Variants in ULK4 observed in about 807,000 individuals in gnomAD.
ULK4 encodes unc-51 like kinase 4, also known as inactive serine/threonine-protein kinase ULK4.
A neutral mutation model predicts 160.6 loss-of-function variants in ULK4; 133 were observed. The observed-to-expected ratio is 0.83, with a 90% confidence interval of 0.72 to 0.96. The LOEUF (loss-of-function observed/expected upper bound fraction) is 0.96, where lower values mean the gene tolerates loss of function less well. ULK4 is among the 40% of genes least tolerant of loss of function. ULK4 has a pLI of 0.00. For synonymous variants in ULK4, 534 were observed against 539.8 expected (o/e 0.99, Z 0.15); for missense variants, 1,580 against 1,499.5 (o/e 1.05, Z -0.89).
intron 21 of ULK4, among the ~76,000 whole-genome samples, chr3:41,760,733 T>C (rs550256910): frequency 6.6e-6 from 1 of 152,336 alleles, no homozygotes; most frequent in East Asian, 1.9e-4. Context: ...CCAAGATTTC[T>C]CATTATTTAT....
chr3:41,664,668 A>G (rs76448682), intron 29 of ULK4, among the ~76,000 whole-genome samples: 13,595 of 152,184 alleles, frequency 0.089, 1,217 homozygotes, highest in African/African-American at 0.23. Flanking sequence ...TTAACTGGGT[A>G]CATTGCACTC....
chr3:41,307,483 T>C (rs1420382497), intron 35 of ULK4, among the ~76,000 whole-genome samples: 1 of 152,200 alleles, frequency 6.6e-6, no homozygotes, highest in Admixed American at 6.5e-5. Flanking sequence ...GACTAAAATT[T>C]CTCACACTAT....
At chr3:41,435,605 A>C (rs753733255) in intron 34 of ULK4, among the ~76,000 whole-genome samples, 27 of 152,316 alleles carry the variant, frequency 1.8e-4, no homozygotes, top group Admixed American at 3.9e-4. Flanking sequence ...GACCCAAGTG[A>C]AACTTTAATA....
chr3:41,894,172 A>G (rs191177111), intron 16 of ULK4, among the ~76,000 whole-genome samples: 24 of 152,338 alleles, frequency 1.6e-4, no homozygotes, highest in African/African-American at 5.8e-4. Context: ...TGTCTGTTTT[A>G]AAATGTCAGC....
chr3:41,435,070 C>T (rs886276113), intron 34 of ULK4, among the ~76,000 whole-genome samples: 2 of 152,086 alleles, frequency 1.3e-5, no homozygotes, highest in Non-Finnish European at 1.5e-5. Flanking sequence ...TGAGCTGAAC[C>T]ATAATTATAA....
chr3:41,650,208 C>G (rs898237571), intron 30 of ULK4, among the ~76,000 whole-genome samples: 1 of 152,192 alleles, frequency 6.6e-6, no homozygotes, highest in Non-Finnish European at 1.5e-5. Context: ...ATACAGTTGT[C>G]CACATTCCTC....
chr3:41,721,255 ATTTTTTTTTTTT>A (rs67078042), intron 22 of ULK4, among the ~76,000 whole-genome samples: 5 of 45,052 alleles, frequency 1.1e-4, no homozygotes, highest in South Asian at 1.5e-3. Flanking sequence ...TTCGCTTTGA[ATTTTTTTTTTTT>A]TTTTTTTTTT....
intron 31 of ULK4, among the ~76,000 whole-genome samples, chr3:41,580,882 C>G (rs2030266790): frequency 6.6e-6 from 1 of 152,110 alleles, no homozygotes. Context: ...CTGTATTTTT[C>G]CAAATTACTC....
intron 35 of ULK4, among the ~76,000 whole-genome samples, chr3:41,375,725 G>A (rs995539289): frequency 1.3e-5 from 2 of 150,276 alleles, no homozygotes; most frequent in African/African-American, 2.5e-5. Flanking sequence ...CATGGGCAAA[G>A]ACTTCATGAC....
chr3:41,961,865 G>C (rs1700687619), intron 1 of ULK4, 151 bp downstream of exon 1: 1 of 152,826 alleles, frequency 6.5e-6, no homozygotes, highest in Non-Finnish European at 1.5e-5. Context: ...AAGCAGGGGA[G>C]CGCAGGGGGT....
chr3:41,837,558 T>A (rs1286359134), intron 17 of ULK4, among the ~76,000 whole-genome samples: 1 of 148,208 alleles, frequency 6.7e-6, no homozygotes, highest in African/African-American at 2.6e-5. Flanking sequence ...GCTGCATATA[T>A]CAATAACTTT....
intron 19 of ULK4, among the ~76,000 whole-genome samples, chr3:41,806,136 C>G (rs898373599): frequency 1.4e-5 from 2 of 146,980 alleles, no homozygotes; most frequent in African/African-American, 2.6e-5. Flanking sequence ...CGTTGGTAAG[C>G]TATTGATTAT....
intron 32 of ULK4, among the ~76,000 whole-genome samples, chr3:41,517,646 A>G (rs1362235156): frequency 6.6e-6 from 1 of 152,218 alleles, no homozygotes; most frequent in Non-Finnish European, 1.5e-5. Context: ...TTTTTAAAGA[A>G]AGAATATCTA....
At position 41,650,186 on chromosome 3, in the gene ULK4, G is replaced by A. The variant is rs78893828; in HGVS notation, c.3071+13421C>T. Among the ~76,000 whole-genome samples the A allele has an allele frequency of 3.5e-3, 532 of 152,296 alleles. 2 individuals carry two copies. Among genetic ancestry groups the A allele is most frequent in the African/African-American group, 0.012 (498 of 41,560 alleles). On this transcript the variant is annotated intron_variant, in intron 30 of 36. Coordinates refer to ENST00000301831, the MANE Select transcript of ULK4 (RefSeq NM_017886.4). ...CTGTCACTCAGTGAAGCTCCTCTCC[G>A]TCTTGCTCAATATACAGTTGTCCAC... is the stretch of plus-strand genomic sequence containing the variant.
chr3:41,533,706 C>G (rs573368860), intron 32 of ULK4, among the ~76,000 whole-genome samples: 1 of 152,306 alleles, frequency 6.6e-6, no homozygotes, highest in South Asian at 2.1e-4. Context: ...AATATATATA[C>G]TATCTGGTGT....
chr3:41,334,960 T>C (rs2080523680), intron 35 of ULK4, among the ~76,000 whole-genome samples: 1 of 152,268 alleles, frequency 6.6e-6, no homozygotes, highest in Non-Finnish European at 1.5e-5. Context: ...TGGTGGCCCA[T>C]TTACCAGGGA....
intron 31 of ULK4, among the ~76,000 whole-genome samples, chr3:41,600,592 T>C (rs940373549): frequency 6.6e-6 from 1 of 152,216 alleles, no homozygotes; most frequent in Non-Finnish European, 1.5e-5. Context: ...ATTCTGCAAA[T>C]TGCAACACTT....
At chr3:41,622,313 C>A (rs146364342) in intron 30 of ULK4, among the ~76,000 whole-genome samples, 1 of 152,122 alleles carries the variant, frequency 6.6e-6, no homozygotes, top group African/African-American at 2.4e-5. Flanking sequence ...ATGTTTACTG[C>A]AGCACTATTT....
chr3:41,933,194 C>G, intron 4 of ULK4, among the ~76,000 whole-genome samples: 1 of 152,144 alleles, frequency 6.6e-6, no homozygotes, highest in Non-Finnish European at 1.5e-5. Flanking sequence ...CACAGACTAC[C>G]AGTCACTACC....
Sources: gnomAD v4.1 joint callset for allele counts (sites outside exome capture counted in the v4.1 genomes callset) on GRCh38, gnomAD v4.1.1 for gene constraint, MANE v1.5 for transcripts, NCBI Gene and HGNC (gene_info 2026-07-23, HGNC 2026-07-21) for gene names.